The following MYO3B variants were observed in gnomAD, a reference collection of about 807,000 sequenced individuals.
MYO3B encodes myosin IIIB, also known as myosin-IIIb.
In MYO3B, 156 loss-of-function variants were observed where a neutral mutation model predicts 174.6. The observed-to-expected ratio is 0.89, with a 90% CI of 0.78 to 1.02. The LOEUF is 1.02. Ranked by LOEUF, MYO3B falls within the 50% of genes least tolerant of loss-of-function variation. MYO3B has a pLI of 0.00. For synonymous variants in MYO3B, 563 were observed against 569.1 expected (o/e 0.99, Z 0.15); for missense variants, 1,632 against 1,639.4 (o/e 1.00, Z 0.08).
chr2:170,236,154 G>A lies in MYO3B; in HGVS notation c.749+18G>A, dbSNP rs1559323891. 1.9e-5 allele frequency: 30 copies of A among 1,613,920 alleles called. No individual in the cohort carries two copies. Among genetic ancestry groups the A allele is most frequent in the Non-Finnish European group, 2.5e-5 (30 of 1,179,926 alleles). ...ATTCCAAGGTAAGACACAAGATGGC[G>A]CTCTTGACTCATTAGTTCTTTGTGA... On this transcript the variant is annotated intron_variant, in intron 7 of 34. Transcript: ENST00000408978.
intron 32 of MYO3B, among the ~76,000 whole-genome samples, chr2:170,636,527 C>T (rs1697499260): frequency 6.6e-6 from 1 of 151,856 alleles, no homozygotes; most frequent in African/African-American, 2.4e-5. Flanking sequence ...CTAATGACCC[C>T]TGGCTGGACT....
chr2:170,546,462 T>G (rs116192177), intron 32 of MYO3B, among the ~76,000 whole-genome samples: 1,639 of 152,316 alleles, frequency 0.011, 31 homozygotes, highest in African/African-American at 0.037. Context: ...AAGTAAATGT[T>G]TCTGAGGCAA....
intron 7 of MYO3B, among the ~76,000 whole-genome samples, chr2:170,320,553 G>A (rs569913856): frequency 1.3e-5 from 2 of 152,136 alleles, no homozygotes; most frequent in Admixed American, 1.3e-4. Context: ...ATGTTTCATG[G>A]GCACTTGAAA....
chr2:170,407,658 G>A, intron 21 of MYO3B, 57 bp from the exon 22 acceptor site: 2 of 1,606,326 alleles, frequency 1.2e-6, no homozygotes, highest in Non-Finnish European at 1.7e-6. Flanking sequence ...AGTTGCCAGT[G>A]TCACCAATGA....
At chr2:170,493,312 T>C (rs1038619407) in intron 25 of MYO3B, among the ~76,000 whole-genome samples, 1 of 152,224 alleles carries the variant, frequency 6.6e-6, no homozygotes, top group Non-Finnish European at 1.5e-5. Context: ...TGGCAAGAAG[T>C]AGCATTTAAC....
intron 32 of MYO3B, among the ~76,000 whole-genome samples, chr2:170,606,405 C>T (rs1028009206): frequency 6.6e-6 from 1 of 152,222 alleles, no homozygotes; most frequent in African/African-American, 2.4e-5. Context: ...GAACACTTTT[C>T]TCATTCTTCA....
At chr2:170,476,368 G>C (rs1270551002) in intron 25 of MYO3B, among the ~76,000 whole-genome samples, 3 of 152,206 alleles carry the variant, frequency 2.0e-5, no homozygotes, top group Non-Finnish European at 2.9e-5. Flanking sequence ...GGGCCAGTGT[G>C]ATAGCTTTCT....
At chr2:170,208,564 A>T (rs1160058394) in intron 3 of MYO3B, among the ~76,000 whole-genome samples, 2 of 152,192 alleles carry the variant, frequency 1.3e-5, no homozygotes, top group Non-Finnish European at 2.9e-5. Flanking sequence ...TATCCCTTTT[A>T]TTCTTTCTAA....
Position 170,387,313 on chromosome 2 carries a change from G to A in MYO3B, c.1577+5G>A, listed in dbSNP as rs2094383642. On this transcript the variant is annotated splice_donor_5th_base_variant and intron_variant, in intron 14 of 34. Coordinates refer to ENST00000408978, the MANE Select transcript of MYO3B (RefSeq NM_138995.5). ...CAGAGTTATAAAACAGGCAGCGTAG[G>A]TGCACTACTTTATCACTGTGTTTTT... 6.2e-7 allele frequency: 1 copy of A among 1,613,718 alleles called. No individual in the cohort carries two copies. The highest frequency in any genetic ancestry group is 1.3e-5 in the African/African-American group (1 of 75,040).
At chr2:170,463,244 A>G in intron 23 of MYO3B, 124 bp from the exon 24 acceptor site, 1 of 695,816 alleles carries the variant, frequency 1.4e-6, no homozygotes, top group Non-Finnish European at 2.5e-6. Context: ...AGTATACACT[A>G]TTGTGTCCTA....
chr2:170,313,790 T>A (rs1219399925), intron 7 of MYO3B, among the ~76,000 whole-genome samples: 2 of 152,058 alleles, frequency 1.3e-5, no homozygotes, highest in African/African-American at 4.8e-5. Context: ...GTCCATCAAG[T>A]CTTCAAAAGC....
chr2:170,324,641 T>A lies in MYO3B; in HGVS notation c.750-10744T>A, dbSNP rs189720175. 2.0e-5 allele frequency among the ~76,000 whole-genome samples: 3 copies of A among 152,366 alleles called. No homozygotes were observed. The East Asian group carries it at 5.8e-4, about 29-fold the overall frequency. On this transcript the variant is annotated intron_variant, in intron 7 of 34. Coordinates refer to ENST00000408978, the MANE Select transcript of MYO3B (RefSeq NM_138995.5). ...TCTCTCTGTTTTCTAATTCACTTCG[T>A]TCCTGCACTTTTCAGCGCTGAATCT... is the stretch of plus-strand genomic sequence containing the variant.
chr2:170,351,633 G>A (rs983959410), intron 8 of MYO3B, among the ~76,000 whole-genome samples: 3 of 152,070 alleles, frequency 2.0e-5, no homozygotes, highest in African/African-American at 7.2e-5. Flanking sequence ...GGGCAAAGGG[G>A]AAGTGAGAGG....
At chr2:170,535,681 G>A (rs1049951917) in intron 30 of MYO3B, among the ~76,000 whole-genome samples, 1 of 152,138 alleles carries the variant, frequency 6.6e-6, no homozygotes, top group Admixed American at 6.6e-5. Context: ...GGGAACACTG[G>A]GGGACCTCTG....
chr2:170,491,443 T>A (rs78303364), intron 25 of MYO3B, among the ~76,000 whole-genome samples: 178 of 123,960 alleles, frequency 1.4e-3, no homozygotes, highest in African/African-American at 3.9e-3. Context: ...ACTTTTTTTT[T>A]ATTTTAAGAC....
chr2:170,561,272 A>T (rs987149914), intron 32 of MYO3B, among the ~76,000 whole-genome samples: 1 of 152,206 alleles, frequency 6.6e-6, no homozygotes, highest in Admixed American at 6.5e-5. Flanking sequence ...AAATTAACCC[A>T]TATGACCAGA....
At chr2:170,222,640 G>A (rs112218522) in intron 6 of MYO3B, among the ~76,000 whole-genome samples, 1,842 of 152,236 alleles carry the variant, frequency 0.012, 15 homozygotes, top group South Asian at 0.022. Context: ...AGTCCCGTCG[G>A]ATTAGAGGCC....
At chr2:170,559,584 A>T (rs902422026) in intron 32 of MYO3B, among the ~76,000 whole-genome samples, 1 of 152,356 alleles carries the variant, frequency 6.6e-6, no homozygotes, top group Non-Finnish European at 1.5e-5. Context: ...TTTTTTAAAA[A>T]GAACAGATAT....
chr2:170,255,247 G>A (rs1440757481), intron 7 of MYO3B, among the ~76,000 whole-genome samples: 1 of 152,170 alleles, frequency 6.6e-6, no homozygotes, highest in African/African-American at 2.4e-5. Context: ...CCCTACTGGG[G>A]TGAGGAAACA....
Sources: gnomAD v4.1 joint callset for allele counts (sites outside exome capture counted in the v4.1 genomes callset) on GRCh38, gnomAD v4.1.1 for gene constraint, MANE v1.5 for transcripts, NCBI Gene and HGNC (gene_info 2026-07-23, HGNC 2026-07-21) for gene names.